CPD: variants seen among roughly 807,000 people sequenced by gnomAD.
The protein encoded by CPD is carboxypeptidase D.
CPD carries 69 observed loss-of-function variants against 138.3 expected under a neutral mutation model. The ratio of observed to expected loss-of-function variants is 0.50; its 90% confidence interval spans 0.41 to 0.61. The LOEUF (loss-of-function observed/expected upper bound fraction) is 0.61. Among genes scored for constraint, CPD ranks in the 20% least tolerant of loss-of-function variants. CPD has a pLI of 0.00. For synonymous variants in CPD, 651 were observed against 642.1 expected (o/e 1.01, Z -0.21); for missense variants, 1,432 against 1,733.3 (o/e 0.83, Z 3.09).
chr17:30,444,047 C>G (rs1027229076), intron 11 of CPD, 76 bp downstream of exon 11: 3 of 1,477,986 alleles, frequency 2.0e-6, no homozygotes, highest in South Asian at 1.3e-5. Flanking sequence ...ATTACTAGAA[C>G]GTTCTAGAGA....
At chr17:30,453,161 T>C (rs996417504) in intron 14 of CPD, among the ~76,000 whole-genome samples, 2 of 151,916 alleles carry the variant, frequency 1.3e-5, no homozygotes, top group Non-Finnish European at 2.9e-5. Flanking sequence ...TTCCCAACAG[T>C]CCCCCAAAGT....
Position 30,421,077 on chromosome 17 carries a change from G to T in CPD, c.1137+94G>T, listed in dbSNP as rs1369190143. The T allele has an allele frequency of 5.4e-6, 5 of 921,038 alleles. No individual in the cohort carries two copies. The Admixed American group carries it at 1.1e-4, about 20-fold the overall frequency. 57.1% of individuals were successfully genotyped at this position (921,038 alleles called of 1,614,324 possible). A position where few individuals can be genotyped will look rare whatever the true frequency, so the allele number is the denominator to read the frequency against. ...GTGAATGATAATCTATACAGTATTA[G>T]ATGTCATTTATCTCTTTTTATTACT... On this transcript the variant is annotated intron_variant, in intron 3 of 20. Coordinates refer to ENST00000225719, the MANE Select transcript of CPD (RefSeq NM_001304.5).
chr17:30,396,807 C>T (rs1406199325), intron 2 of CPD, among the ~76,000 whole-genome samples: 1 of 151,610 alleles, frequency 6.6e-6, no homozygotes, highest in African/African-American at 2.4e-5. Context: ...CTTTCCTTTC[C>T]TTTCCTTTCA....
At position 30,384,252 on chromosome 17, in the gene CPD, A is replaced by G. The variant is rs184111389; in HGVS notation, c.747-737A>G. ...GTTTTTTTCCTGAATCTTCTCAACT[A>G]TGGCTTCTCTCTTGAAAATGTGAAT... On this transcript the variant is annotated intron_variant, in intron 1 of 20. Coordinates refer to ENST00000225719, the MANE Select transcript of CPD (RefSeq NM_001304.5). 1.3e-3 allele frequency among the ~76,000 whole-genome samples: 193 copies of G among 152,262 alleles called. 1 individual carries two copies. The highest frequency in any genetic ancestry group is 4.4e-3 in the African/African-American group (183 of 41,544).
At position 30,449,673 on chromosome 17, in the gene CPD, A is replaced by T. The variant is rs886924230; in HGVS notation, c.2994A>T (p.Pro998=). 6.2e-6 allele frequency: 10 copies of T among 1,607,652 alleles called. No homozygotes were observed. Among genetic ancestry groups the T allele is most frequent in the Non-Finnish European group, 8.5e-6 (10 of 1,178,550 alleles). The change falls in exon 13 of 21, where the codon CCA becomes CCT. Residue 998 remains proline (P), a synonymous_variant. Coordinates refer to ENST00000225719, the MANE Select transcript of CPD (RefSeq NM_001304.5). ...TTGCTGGTATCCATGGAAATGCGCC[A>T]GTTGGAACTGAACTGCTTTTGGCTC... ...RFVAGIHGNA[P]VGTELLLALA...
At chr17:30,461,080 A>T in intron 17 of CPD, 100 bp from the exon 18 acceptor site, 2 of 866,310 alleles carry the variant, frequency 2.3e-6, no homozygotes, top group Non-Finnish European at 3.3e-6. Flanking sequence ...TACGTCAGCT[A>T]CGTTTTCTTT....
intron 20 of CPD, among the ~76,000 whole-genome samples, chr17:30,463,203 G>A (rs891186890): frequency 7.2e-5 from 11 of 152,126 alleles, no homozygotes; most frequent in South Asian, 2.1e-4. Flanking sequence ...TCACCTCCAC[G>A]GAGAGGCTTT....
At chr17:30,435,246 T>C (rs1334461460) in intron 8 of CPD, among the ~76,000 whole-genome samples, 1 of 152,120 alleles carries the variant, frequency 6.6e-6, no homozygotes, top group Non-Finnish European at 1.5e-5. Flanking sequence ...TACATCCAAT[T>C]TCAAACTTAC....
chr17:30,401,154 C>T (rs1413178407), intron 2 of CPD, among the ~76,000 whole-genome samples: 1 of 152,064 alleles, frequency 6.6e-6, no homozygotes, highest in African/African-American at 2.4e-5. Flanking sequence ...CCCCTTTATA[C>T]GCACATCATT....
chr17:30,383,922 C>T (rs1251864436), intron 1 of CPD, among the ~76,000 whole-genome samples: 3 of 151,924 alleles, frequency 2.0e-5, no homozygotes, highest in Non-Finnish European at 4.4e-5. Flanking sequence ...TTAAATAGGA[C>T]TTTAGCATTT....
chr17:30,385,075 T>C lies in CPD; in HGVS notation c.833T>C (p.Ile278Thr), dbSNP rs1186901522. 1 of 1,614,136 alleles carries C rather than the reference T, an allele frequency of 6.2e-7. No homozygotes were observed. The highest frequency in any genetic ancestry group is 2.2e-5 in the East Asian group (1 of 44,872). Reference sequence around the variant, plus strand: ...TCTCCAGAACATAAGGCCACTGGAATCTATAGCAAAACCTCAGATGATGAA... The same window carrying C: ...TCTCCAGAACATAAGGCCACTGGAACCTATAGCAAAACCTCAGATGATGAA... ...DDSPEHKATG[I>T]YSKTSDDEVF... The change falls in exon 2 of 21, where the codon ATC (isoleucine) becomes ACC (threonine). Residue 278 changes from isoleucine to threonine, a missense_variant. Physicochemically the swap from Ile to Thr is moderately conservative, Grantham distance 89. Transcript: ENST00000225719.
At chr17:30,463,397 C>T (rs565341886) in intron 20 of CPD, among the ~76,000 whole-genome samples, 2 of 152,324 alleles carry the variant, frequency 1.3e-5, no homozygotes, top group African/African-American at 4.8e-5. Context: ...GGTTAGCACG[C>T]AGTGGGTCTT....
intron 7 of CPD, among the ~76,000 whole-genome samples, chr17:30,430,286 C>G (rs554970362): frequency 9.6e-4 from 146 of 152,200 alleles, no homozygotes; most frequent in South Asian, 4.8e-3. Context: ...AACAGTGACT[C>G]CCCTTTCCCT....
chr17:30,464,203 C>T (rs778189092), intron 20 of CPD, among the ~76,000 whole-genome samples: 1 of 151,862 alleles, frequency 6.6e-6, no homozygotes, highest in Non-Finnish European at 1.5e-5. Context: ...CTAGCCTGGG[C>T]AACATGGCAA....
intron 2 of CPD, among the ~76,000 whole-genome samples, chr17:30,401,985 C>G (rs569242841): frequency 6.8e-6 from 1 of 148,110 alleles, no homozygotes; most frequent in South Asian, 2.1e-4. Context: ...TTTTTCTCTC[C>G]TGAGACTCCA....
chr17:30,380,460 T>C (rs1354103386), intron 1 of CPD: 10 of 1,270,974 alleles, frequency 7.9e-6, no homozygotes, highest in Non-Finnish European at 9.9e-6. Context: ...TTTTAGACTC[T>C]GAAGGGTTTG....
intron 2 of CPD, among the ~76,000 whole-genome samples, chr17:30,418,734 C>T (rs1597718463): frequency 6.6e-6 from 1 of 152,162 alleles, no homozygotes; most frequent in East Asian, 1.9e-4. Context: ...AAACGCTTGG[C>T]GTTATTTGTA....
At chr17:30,432,890 C>T (rs910617078) in intron 8 of CPD, among the ~76,000 whole-genome samples, 2 of 152,034 alleles carry the variant, frequency 1.3e-5, no homozygotes, top group Non-Finnish European at 2.9e-5. Context: ...TATACTCTAG[C>T]CTGGGTGACA....
In CPD at chr17:30,427,410, T is replaced by C. The variant is rs771966275; in HGVS notation, c.1869T>C (p.Ile623=). 2 of 1,614,120 alleles carry C rather than the reference T, an allele frequency of 1.2e-6. No individual in the cohort carries two copies. The highest frequency in any genetic ancestry group is 1.7e-6 in the Non-Finnish European group (2 of 1,179,978). ...KSQEGDSISV[I]GRNNSNNFDL... ...ATACAGGAGATTCAATAAGTGTAATTGGCAGAAACAACAGCAACAACTTTG... is the reference window on the plus strand; with the variant it reads ...ATACAGGAGATTCAATAAGTGTAATCGGCAGAAACAACAGCAACAACTTTG... Residue 623 remains isoleucine (I), a synonymous_variant, in exon 7 of 21, where the codon ATT becomes ATC. Transcript: ENST00000225719.
Sources: allele counts gnomAD v4.1 joint callset (sites outside exome capture counted in the v4.1 genomes callset), GRCh38; gene constraint gnomAD v4.1.1; transcripts MANE v1.5; gene names NCBI Gene and HGNC (gene_info 2026-07-23, HGNC 2026-07-21).